The following NHSL2 variants were observed in gnomAD, a reference collection of about 807,000 sequenced individuals.
NHSL2 encodes the protein NHS-like protein 2.
A neutral mutation model predicts 53.4 loss-of-function variants in NHSL2; 27 were observed. That is an observed-to-expected ratio of 0.51 (90% CI 0.37 to 0.70). The LOEUF (loss-of-function observed/expected upper bound fraction) is 0.70, where lower values mean the gene tolerates loss of function less well. NHSL2 is among the 30% of genes least tolerant of loss of function. The pLI, the probability that NHSL2 is intolerant of heterozygous loss-of-function variation, is 0.00. For synonymous variants in NHSL2, 408 were observed against 404.1 expected (o/e 1.01, Z -0.12); for missense variants, 892 against 980.1 (o/e 0.91, Z 1.20).
intron 1 of NHSL2, among the ~76,000 whole-genome samples, chrX:71,957,197 T>C (rs146080941): frequency 0.021 from 2,385 of 112,248 alleles, 57 homozygotes; most frequent in Admixed American, 0.091. Flanking sequence ...CCTGGCACTT[T>C]GCCTCATGTT....
intron 1 of NHSL2, among the ~76,000 whole-genome samples, chrX:72,086,683 CAAAAAAA>C (rs34481140): frequency 1.8e-4 from 4 of 22,484 alleles, no homozygotes; most frequent in Non-Finnish European, 2.4e-4. Flanking sequence ...AACTCCATCT[CAAAAAAA>C]AAAAAAAAAA....
chrX:72,009,884 G>A (rs775605861), intron 1 of NHSL2, among the ~76,000 whole-genome samples: 4 of 112,037 alleles, frequency 3.6e-5, no homozygotes, highest in Non-Finnish European at 7.5e-5. Flanking sequence ...TACTCTCTGG[G>A]GCCACTCTAG....
chrX:72,137,010 C>G, intron 4 of NHSL2, 84 bp from the exon 5 acceptor site: 10 of 797,865 alleles, frequency 1.3e-5, no homozygotes, highest in East Asian at 3.6e-5. Context: ...TCACGACTGC[C>G]ATCATTCTCT....
chrX:71,934,980 G>A (rs1172603392), intron 1 of NHSL2, among the ~76,000 whole-genome samples: 3 of 111,376 alleles, frequency 2.7e-5, no homozygotes, highest in African/African-American at 9.8e-5. Flanking sequence ...CAGCTGTTTT[G>A]TAACAATATA....
At chrX:71,918,830 A>T (rs1397841823) in intron 1 of NHSL2, among the ~76,000 whole-genome samples, 1 of 112,391 alleles carries the variant, frequency 8.9e-6, no homozygotes, top group Non-Finnish European at 1.9e-5. Flanking sequence ...TTACACATTC[A>T]ATAATAGGGG....
At chrX:72,115,249 C>G (rs1216475292) in intron 1 of NHSL2, among the ~76,000 whole-genome samples, 1 of 110,313 alleles carries the variant, frequency 9.1e-6, no homozygotes, top group Non-Finnish European at 1.9e-5. Flanking sequence ...AGTTTGTTCT[C>G]CATGTCCGGC....
At chrX:71,997,111 G>A (rs2042053299) in intron 1 of NHSL2, among the ~76,000 whole-genome samples, 1 of 112,549 alleles carries the variant, frequency 8.9e-6, no homozygotes, top group East Asian at 2.8e-4. Context: ...GTGGGGGACA[G>A]TCAAAGTTTC....
rs374655555 is a variant in NHSL2, at chrX:71,986,974, A to G, written c.280+75607A>G. On this transcript the variant is annotated intron_variant, in intron 1 of 7. Transcript: ENST00000633930. ...AACCCTTTAATCTAGGCAAGAAAAAAAAATCCACATTCCCATGCCTTTTTA... is the reference window on the plus strand; with the variant it reads ...AACCCTTTAATCTAGGCAAGAAAAAGAAATCCACATTCCCATGCCTTTTTA... Among the ~76,000 whole-genome samples the G allele has an allele frequency of 1.2e-4, 14 of 112,492 alleles. No homozygotes were observed. In the East Asian group the frequency reaches 2.2e-3, roughly 18 times the overall value.
At chrX:72,096,482 T>C (rs1460118884) in intron 1 of NHSL2, among the ~76,000 whole-genome samples, 2 of 112,214 alleles carry the variant, frequency 1.8e-5, no homozygotes, top group East Asian at 5.6e-4. Flanking sequence ...ATCAGCTTGC[T>C]AGACTTAATC....
intron 1 of NHSL2, among the ~76,000 whole-genome samples, chrX:72,003,747 T>C (rs1207052259): frequency 2.7e-5 from 3 of 111,856 alleles, no homozygotes; most frequent in African/African-American, 9.8e-5. Context: ...GTCGTTACTC[T>C]GTATTGCGGG....
intron 1 of NHSL2, among the ~76,000 whole-genome samples, chrX:72,108,465 C>A (rs929549939): frequency 4.2e-4 from 47 of 112,731 alleles, no homozygotes; most frequent in African/African-American, 1.5e-3. Context: ...CCCATAGAGG[C>A]AACGTGAATC....
At chrX:71,956,866 G>T (rs1468671222) in intron 1 of NHSL2, among the ~76,000 whole-genome samples, 1 of 111,308 alleles carries the variant, frequency 9.0e-6, no homozygotes, top group East Asian at 2.8e-4. Flanking sequence ...ATGACTAAGG[G>T]TCCTTGCATC....
At chrX:72,077,731 G>A (rs1477396725) in intron 1 of NHSL2, among the ~76,000 whole-genome samples, 1 of 112,648 alleles carries the variant, frequency 8.9e-6, no homozygotes, top group East Asian at 2.8e-4. Context: ...AGCCCAGAGG[G>A]ATCCGGGGTG....
chrX:71,933,805 G>A (rs1223510538), intron 1 of NHSL2, among the ~76,000 whole-genome samples: 1 of 111,338 alleles, frequency 9.0e-6, no homozygotes, highest in Non-Finnish European at 1.9e-5. Flanking sequence ...CCCCAGGCAG[G>A]TTCATTTTGG....
intron 1 of NHSL2, among the ~76,000 whole-genome samples, chrX:72,075,322 A>G (rs1020332610): frequency 3.6e-5 from 4 of 112,245 alleles, no homozygotes; most frequent in African/African-American, 9.7e-5. Flanking sequence ...GTAAAACCTT[A>G]TCATGGCATG....
chrX:71,993,230 C>T (rs1602299669), intron 1 of NHSL2, among the ~76,000 whole-genome samples: 1 of 112,385 alleles, frequency 8.9e-6, no homozygotes, highest in Admixed American at 9.4e-5. Flanking sequence ...ACTCAGCTAC[C>T]CCCAGTGGCC....
At chrX:71,945,740 G>A (rs1352234606) in intron 1 of NHSL2, among the ~76,000 whole-genome samples, 2 of 111,772 alleles carry the variant, frequency 1.8e-5, no homozygotes, top group Non-Finnish European at 3.8e-5. Context: ...TGGGCTAGCA[G>A]GGAAGAGAGA....
chrX:72,115,439 G>C (rs1202882052), intron 1 of NHSL2, among the ~76,000 whole-genome samples: 1 of 85,359 alleles, frequency 1.2e-5, no homozygotes, highest in Non-Finnish European at 2.3e-5. Context: ...GGCGGGGGGG[G>C]GGTGCGGGGG....
chrX:72,001,272 T>A (rs148551195), intron 1 of NHSL2, among the ~76,000 whole-genome samples: 30 of 112,163 alleles, frequency 2.7e-4, no homozygotes, highest in African/African-American at 7.8e-4. Context: ...AGTGCTTATA[T>A]GGTGCCAGAG....
Sources: gnomAD v4.1 joint callset for allele counts (sites outside exome capture counted in the v4.1 genomes callset) on GRCh38, gnomAD v4.1.1 for gene constraint, MANE v1.5 for transcripts, NCBI Gene and HGNC (gene_info 2026-07-23, HGNC 2026-07-21) for gene names.